The following FAM240C variants were observed in gnomAD, a reference collection of about 807,000 sequenced individuals.
FAM240C encodes protein FAM240C.
FAM240C carries 14 observed loss-of-function variants against 10.0 expected under a neutral mutation model. The observed-to-expected ratio is 1.40, with a 90% CI of 0.92 to 2.19. FAM240C has a LOEUF of 2.19. Among genes scored for constraint, FAM240C ranks in the 30% most tolerant of loss-of-function variants. The probability of loss-of-function intolerance (pLI) is 0.00; values close to 1 mark genes in which losing one functional copy is unlikely to be tolerated. For synonymous variants in FAM240C, 49 were observed against 44.3 expected, an observed-to-expected ratio of 1.11 and a Z score of -0.42; for missense variants, 154 against 122.3, an observed-to-expected ratio of 1.26 and a Z score of -1.22.
chr2:241,895,793 C>T (rs944872543), intron 2 of FAM240C, among the ~76,000 whole-genome samples: 5 of 151,860 alleles, frequency 3.3e-5, no homozygotes, highest in African/African-American at 1.2e-4. Flanking sequence ...GTCCCGGGGC[C>T]TGAGCCCACT....
chr2:241,894,868 C>A (rs1701754910), intron 2 of FAM240C, among the ~76,000 whole-genome samples: 1 of 152,218 alleles, frequency 6.6e-6, no homozygotes, highest in Admixed American at 6.5e-5. Flanking sequence ...CCTGCCCGGC[C>A]TGGCCACAGT....
intron 2 of FAM240C, 110 bp downstream of exon 2, chr2:241,897,076 G>C (rs1485253163): frequency 2.5e-6 from 3 of 1,218,902 alleles, no homozygotes; most frequent in African/African-American, 1.5e-5. Flanking sequence ...TTTCATGGTG[G>C]GCTGAGGGCC....
chr2:241,896,582 G>GGTGTTGGGGTGTGGGTGAAGGGGTGTGT (rs2124920236), intron 2 of FAM240C, among the ~76,000 whole-genome samples: 2 of 128,002 alleles, frequency 1.6e-5, no homozygotes, highest in African/African-American at 2.9e-5. Flanking sequence ...TGGGGGTGTG[G>GGTGTTGGGGTGTGGGTGAAGGGGTGTGT]GTGTTGGGGT....
At chr2:241,895,459 C>T (rs62191175) in intron 2 of FAM240C, among the ~76,000 whole-genome samples, 35,639 of 152,180 alleles carry the variant, frequency 0.23, 4,601 homozygotes, top group African/African-American at 0.34. Flanking sequence ...TGCGAATGGC[C>T]GGTCTCCCAC....
intron 2 of FAM240C, 68 bp downstream of exon 2, chr2:241,897,118 C>T: frequency 6.6e-7 from 1 of 1,509,140 alleles, no homozygotes; most frequent in Non-Finnish European, 8.9e-7. Flanking sequence ...GCTGGCGGGG[C>T]TGTGCCCCTG....
upstream of FAM240C, chr2:241,902,392 TCCC>T (rs1702006403): frequency 1.5e-5 from 1 of 68,088 alleles, no homozygotes; most frequent in Non-Finnish European, 3.0e-5. The surrounding 1 kb of genome is among the most constrained non-coding windows in gnomAD (Gnocchi z 7.1). Context: ...CGCCGCCGCC[TCCC>T]CTCCGCCGCC....
At chr2:241,901,051 C>CAGGA (rs879756961), upstream of FAM240C, among the ~76,000 whole-genome samples, 6 of 152,108 alleles carry the variant, frequency 3.9e-5, no homozygotes, top group Non-Finnish European at 8.8e-5. The surrounding 1 kb of genome is among the most constrained non-coding windows in gnomAD (Gnocchi z 4.9). Flanking sequence ...CTGGAGCAAG[C>CAGGA]AGGAAGGAAG....
At chr2:241,895,656 G>A (rs1040866884) in intron 2 of FAM240C, among the ~76,000 whole-genome samples, 17 of 152,206 alleles carry the variant, frequency 1.1e-4, no homozygotes, top group Non-Finnish European at 2.1e-4. Context: ...GGGGAGAACC[G>A]GGCTGTGTGG....
Position 241,900,206 on chromosome 2 carries a change from A to T in FAM240C, c.12+152T>A, listed in dbSNP as rs1396046650. On this transcript the variant is annotated intron_variant, in intron 1 of 2. Transcript: ENST00000404031. The surrounding 1 kb of genome is among the most constrained non-coding windows in gnomAD (Gnocchi z 4.5). ...CAGCAGGAATCCCAGTGGGAAAACA[A>T]AATTACAAAGTTCAGTTCCCCCAGC... Among the ~76,000 whole-genome samples the T allele has an allele frequency of 6.6e-6, 1 of 152,198 alleles. No individual in the cohort carries two copies. The highest frequency in any genetic ancestry group is 6.5e-5 in the Admixed American group (1 of 15,290).
chr2:241,902,152 T>C (rs181711476), upstream of FAM240C, among the ~76,000 whole-genome samples: 8 of 152,228 alleles, frequency 5.3e-5, no homozygotes, highest in Non-Finnish European at 1.0e-4. The surrounding 1 kb of genome is among the most constrained non-coding windows in gnomAD (Gnocchi z 7.1). Context: ...TCTTCCTCTT[T>C]CCTGAGCTAT....
Position 241,896,640 on chromosome 2 carries a change from TGAAGGG to T in FAM240C, c.161+540_161+545del, listed in dbSNP as rs1160030293. 4.0e-4 allele frequency among the ~76,000 whole-genome samples: 15 copies of T among 37,874 alleles called. 3 individuals carry two copies. Among genetic ancestry groups the T allele is most frequent in the East Asian group, 3.2e-3 (5 of 1,556 alleles). The allele number at this position is 37,874 out of a possible 152,430, so 24.8% of individuals were successfully genotyped here. On this transcript the variant is annotated intron_variant, in intron 2 of 2. Coordinates refer to ENST00000404031, the MANE Select transcript of FAM240C (RefSeq NM_001382368.1). ...GGGGGTGTGGGTGTTGGGGTGTGGG[TGAAGGG>T]GTGTGGGTGAAGGGGTGTGGGTGTT... is the stretch of plus-strand genomic sequence containing the variant.
Position 241,897,240 on chromosome 2 carries a change from T to G in FAM240C, c.107A>C (p.His36Pro), listed in dbSNP as rs1701871128. 3.9e-6 allele frequency: 6 copies of G among 1,549,864 alleles called. No homozygotes were observed. In the Middle Eastern group the frequency reaches 5.0e-4, roughly 129 times the overall value. The part of the protein sequence containing the change: ...KMFWEKKIEH[H>P]ARHLQNEDIR... ...GTCCTCGTTCTGCAGGTGTCTTGCG[T>G]GATGCTCGATTTTTTTCTCCCAAAA... Residue 36 changes from histidine to proline, a missense_variant, in exon 2 of 3, where the codon CAC becomes CCC. Transcript: ENST00000404031.
intron 1 of FAM240C, chr2:241,899,002 C>T: frequency 1.3e-6 from 1 of 751,714 alleles, no homozygotes; most frequent in South Asian, 1.4e-5. Flanking sequence ...TTCTCTTTCC[C>T]CGCCCCCCAC....
At chr2:241,899,088 C>T (rs560837538) in intron 1 of FAM240C, 37 of 1,294,308 alleles carry the variant, frequency 2.9e-5, no homozygotes, top group Non-Finnish European at 3.7e-5. Flanking sequence ...CTGAGACCCG[C>T]GGGCTCGTTT....
intron 1 of FAM240C, among the ~76,000 whole-genome samples, chr2:241,898,336 A>G (rs1358123948): frequency 1.3e-5 from 2 of 152,158 alleles, no homozygotes; most frequent in Non-Finnish European, 2.9e-5. Flanking sequence ...AGATCACTTG[A>G]GCTCAGGAGT....
At position 241,894,083 on chromosome 2, in the gene FAM240C, TCA is replaced by T; in HGVS notation, c.*128_*129del. On this transcript the variant is annotated 3_prime_UTR_variant, in exon 3 of 3. Coordinates refer to ENST00000404031, the MANE Select transcript of FAM240C (RefSeq NM_001382368.1). The stretch of plus-strand genomic sequence containing the variant: ...ACCCCGAGGTGGGATTATTACGGGG[TCA>T]GCGAGGTGCGGGCCATTTCCATGAT... 3.7e-6 allele frequency: 4 copies of T among 1,078,712 alleles called. No individual in the cohort carries two copies. Among genetic ancestry groups the T allele is most frequent in the Non-Finnish European group, 5.2e-6 (4 of 770,644 alleles). The allele number at this position is 1,078,712 out of a possible 1,614,324, so 66.8% of individuals were successfully genotyped here.
chr2:241,898,748 T>C (rs1046216263), intron 1 of FAM240C, among the ~76,000 whole-genome samples: 1 of 152,170 alleles, frequency 6.6e-6, no homozygotes, highest in African/African-American at 2.4e-5. Context: ...TCTCCGTAGA[T>C]GGCCCTGCTC....
chr2:241,898,616 C>T (rs1447386871), intron 1 of FAM240C, among the ~76,000 whole-genome samples: 1 of 12,270 alleles, frequency 8.1e-5, no homozygotes, highest in African/African-American at 4.0e-4. Context: ...CAGCAGCAGC[C>T]CCTTTTCTGG....
Position 241,897,321 on chromosome 2 carries a change from C to T in FAM240C, c.26G>A (p.Ser9Asn). ...TCTTCCAGGATTCTTAAGAGTGAGGCTTTTACTCATGTTCTGGAAAATAAA... is the reference window on the plus strand; with the variant it reads ...TCTTCCAGGATTCTTAAGAGTGAGGTTTTTACTCATGTTCTGGAAAATAAA... Reference protein sequence around the residue: MVGKNMSKSLTLKNPGRVA... With the variant: MVGKNMSKNLTLKNPGRVA... The change falls in exon 2 of 3, where the codon AGC becomes AAC. Residue 9 changes from serine (S) to asparagine (N), a missense_variant. Ser to Asn is a conservative substitution (Grantham distance 46, BLOSUM62 1). Coordinates refer to ENST00000404031, the MANE Select transcript of FAM240C (RefSeq NM_001382368.1). 13 of 1,549,658 alleles carry T rather than the reference C, an allele frequency of 8.4e-6. No homozygotes were observed. Among genetic ancestry groups the T allele is most frequent in the Non-Finnish European group, 1.1e-5 (13 of 1,146,418 alleles).
Sources: allele counts gnomAD v4.1 joint callset (sites outside exome capture counted in the v4.1 genomes callset), GRCh38; gene constraint gnomAD v4.1.1; non-coding constraint Gnocchi (gnomAD v3.1); transcripts MANE v1.5; gene names NCBI Gene and HGNC (gene_info 2026-07-23, HGNC 2026-07-21).